CFAP299: variants seen among roughly 807,000 people sequenced by gnomAD.
The protein encoded by CFAP299 is cilia and flagella associated protein 299, also known as cilia- and flagella-associated protein 299.
CFAP299 carries 21 observed loss-of-function variants against 27.0 expected under a neutral mutation model. The ratio of observed to expected loss-of-function variants is 0.78; its 90% CI spans 0.55 to 1.12. The LOEUF is 1.12. CFAP299 is among the 50% of genes most tolerant of loss of function. The pLI is 0.00. For synonymous variants in CFAP299, 104 were observed against 98.1 expected (o/e 1.06, Z -0.36); for missense variants, 310 against 276.6 (o/e 1.12, Z -0.86).
intron 2 of CFAP299, among the ~76,000 whole-genome samples, chr4:80,366,379 G>A (rs1288873386): frequency 6.6e-6 from 1 of 152,064 alleles, no homozygotes; most frequent in Non-Finnish European, 1.5e-5. Flanking sequence ...GCTTCACAGG[G>A]GAAAAAGTCT....
upstream of CFAP299, among the ~76,000 whole-genome samples, chr4:80,332,040 A>G (rs139107960): frequency 8.5e-5 from 13 of 152,354 alleles, no homozygotes; most frequent in African/African-American, 3.1e-4. Context: ...CTCAGTGCAA[A>G]GTAATGTGAC....
At chr4:80,864,456 A>ATGTATATATAT (rs1383782212) in intron 3 of CFAP299, among the ~76,000 whole-genome samples, 2 of 145,156 alleles carry the variant, frequency 1.4e-5, no homozygotes, top group East Asian at 2.0e-4. Flanking sequence ...ATACCTATAT[A>ATGTATATATAT]AGTATATATA....
At chr4:80,681,520 G>C (rs1719841717) in intron 3 of CFAP299, among the ~76,000 whole-genome samples, 1 of 152,166 alleles carries the variant, frequency 6.6e-6, no homozygotes, top group Non-Finnish European at 1.5e-5. Context: ...ACTTGGGCAT[G>C]AGAGGACATT....
chr4:80,414,941 G>A (rs1029268638), intron 2 of CFAP299, among the ~76,000 whole-genome samples: 2 of 152,026 alleles, frequency 1.3e-5, no homozygotes, highest in East Asian at 1.9e-4. Context: ...TTCCCTTTTG[G>A]TTCACCATTG....
chr4:80,655,811 G>A (rs1399446240), intron 3 of CFAP299, among the ~76,000 whole-genome samples: 1 of 152,114 alleles, frequency 6.6e-6, no homozygotes, highest in Non-Finnish European at 1.5e-5. Context: ...AAACTGGGAA[G>A]CTGCCAACTT....
At chr4:80,368,359 G>A (rs1025260463) in intron 2 of CFAP299, among the ~76,000 whole-genome samples, 5 of 152,018 alleles carry the variant, frequency 3.3e-5, no homozygotes, top group African/African-American at 1.2e-4. Context: ...AAGTATATCT[G>A]GAATAAAATG....
chr4:80,426,644 T>C (rs1727543871), intron 2 of CFAP299, among the ~76,000 whole-genome samples: 2 of 152,340 alleles, frequency 1.3e-5, no homozygotes, highest in Admixed American at 6.5e-5. Flanking sequence ...CCTAGGACTC[T>C]ATATGTTTAG....
intron 2 of CFAP299, among the ~76,000 whole-genome samples, chr4:80,375,136 G>C (rs780323718): frequency 1.3e-5 from 2 of 152,116 alleles, no homozygotes; most frequent in Admixed American, 1.3e-4. Flanking sequence ...GAGATTAAAA[G>C]GCTCAGGAAA....
intron 2 of CFAP299, among the ~76,000 whole-genome samples, chr4:80,396,888 C>T (rs1054152014): frequency 5.3e-5 from 8 of 152,146 alleles, no homozygotes; most frequent in African/African-American, 1.9e-4. Context: ...ATGATGCTGG[C>T]CTCATAAAAT....
intron 3 of CFAP299, among the ~76,000 whole-genome samples, chr4:80,735,825 G>C (rs767630438): frequency 2.8e-4 from 42 of 152,080 alleles, no homozygotes; most frequent in Non-Finnish European, 4.9e-4. Context: ...ATGTATTATT[G>C]AATGCAGTTT....
intron 3 of CFAP299, among the ~76,000 whole-genome samples, chr4:80,665,540 A>G (rs1300585626): frequency 6.6e-6 from 1 of 152,136 alleles, no homozygotes; most frequent in Non-Finnish European, 1.5e-5. Flanking sequence ...AAAATTATTC[A>G]TTCTCTAGAT....
At chr4:80,553,850 C>T (rs1734655743) in intron 2 of CFAP299, among the ~76,000 whole-genome samples, 1 of 151,142 alleles carries the variant, frequency 6.6e-6, no homozygotes, top group Non-Finnish European at 1.5e-5. Flanking sequence ...GGGGTTTTCT[C>T]TTATAAATTT....
intron 3 of CFAP299, among the ~76,000 whole-genome samples, chr4:80,812,885 T>C (rs1001924245): frequency 6.6e-5 from 10 of 152,136 alleles, no homozygotes; most frequent in Admixed American, 1.3e-4. Flanking sequence ...TCTAATGACA[T>C]CACTAATAGG....
At chr4:80,767,463 G>A (rs987587582) in intron 3 of CFAP299, among the ~76,000 whole-genome samples, 1 of 152,012 alleles carries the variant, frequency 6.6e-6, no homozygotes, top group Admixed American at 6.6e-5. Context: ...CAAAAAATTA[G>A]CCAGGCGTGG....
intron 3 of CFAP299, among the ~76,000 whole-genome samples, chr4:80,606,224 T>C (rs143311679): frequency 6.6e-6 from 1 of 152,210 alleles, no homozygotes; most frequent in Non-Finnish European, 1.5e-5. Context: ...ACTCTGAGTA[T>C]AGTATGTACA....
At chr4:80,891,866 C>T in intron 4 of CFAP299, among the ~76,000 whole-genome samples, 1 of 56,764 alleles carries the variant, frequency 1.8e-5, no homozygotes, top group East Asian at 4.9e-4. Flanking sequence ...GCAGAGATCA[C>T]AAAAAAGTGG....
intron 3 of CFAP299, among the ~76,000 whole-genome samples, chr4:80,747,898 A>G (rs1724711222): frequency 6.6e-6 from 1 of 152,030 alleles, no homozygotes; most frequent in Non-Finnish European, 1.5e-5. Flanking sequence ...TTCAGATCAA[A>G]CATCTTTCTG....
At chr4:80,914,235 A>G (rs1212010324) in intron 4 of CFAP299, among the ~76,000 whole-genome samples, 1 of 152,216 alleles carries the variant, frequency 6.6e-6, no homozygotes, top group Admixed American at 6.5e-5. Flanking sequence ...TGATAAGCAC[A>G]TGTTTAATGT....
intron 5 of CFAP299, among the ~76,000 whole-genome samples, chr4:80,952,484 T>C (rs1282367036): frequency 1.3e-5 from 2 of 152,126 alleles, no homozygotes; most frequent in Non-Finnish European, 2.9e-5. Flanking sequence ...ATGGTGATTT[T>C]TTCCAGGGTA....
Sources: gnomAD v4.1 joint callset for allele counts (sites outside exome capture counted in the v4.1 genomes callset) on GRCh38, gnomAD v4.1.1 for gene constraint, MANE v1.5 for transcripts, NCBI Gene and HGNC (gene_info 2026-07-23, HGNC 2026-07-21) for gene names.